The following PPM1H variants were observed in gnomAD, a reference collection of about 807,000 sequenced individuals.
PPM1H encodes protein phosphatase 1H.
PPM1H carries 27 observed loss-of-function variants against 54.9 expected under a neutral mutation model. The observed-to-expected ratio is 0.49, with a 90% CI of 0.36 to 0.68. The LOEUF (loss-of-function observed/expected upper bound fraction) is 0.68. PPM1H is among the 30% of genes least tolerant of loss of function. The probability of loss-of-function intolerance (pLI) is 0.00; values close to 1 mark genes in which losing one functional copy is unlikely to be tolerated. For synonymous variants in PPM1H, 305 were observed against 270.8 expected, an observed-to-expected ratio of 1.13 and a Z score of -1.24; for missense variants, 596 against 667.8, an observed-to-expected ratio of 0.89 and a Z score of 1.19.
Position 62,666,665 on chromosome 12 carries a change from T to C in PPM1H, c.1397+513A>G, listed in dbSNP as rs368629895. Among the ~76,000 whole-genome samples the C allele has an allele frequency of 7.8e-4, 119 of 152,298 alleles. No homozygotes were observed. The Middle Eastern group carries it at 0.02, about 26-fold the overall frequency. ...AACAAACACTCAAATTCTTTACCACTTGTATCTACGTTCAACTTAAGGGGG... is the reference window on the plus strand; with the variant it reads ...AACAAACACTCAAATTCTTTACCACCTGTATCTACGTTCAACTTAAGGGGG... On this transcript the variant is annotated intron_variant, in intron 9 of 9. Coordinates refer to ENST00000228705, the MANE Select transcript of PPM1H (RefSeq NM_020700.2).
At chr12:62,707,810 C>G (rs535115230) in intron 6 of PPM1H, among the ~76,000 whole-genome samples, 2 of 152,272 alleles carry the variant, frequency 1.3e-5, no homozygotes, top group East Asian at 3.9e-4. Flanking sequence ...AACCTAATAC[C>G]TGGTTCACTT....
At chr12:62,711,766 T>C (rs916947526) in intron 6 of PPM1H, among the ~76,000 whole-genome samples, 2 of 152,144 alleles carry the variant, frequency 1.3e-5, no homozygotes, top group Admixed American at 1.3e-4. Context: ...GAGAGACGTG[T>C]GTGAGTGCAT....
chr12:62,648,259 C>T lies in PPM1H; in HGVS notation c.*230G>A, dbSNP rs2075797519. ...TATGAAAGGAACTGAAATACAACAA[C>T]ACTTGGTAGCAGCCTTTGTGTTTTG... On this transcript the variant is annotated 3_prime_UTR_variant, in exon 10 of 10. Transcript: ENST00000228705. The T allele has an allele frequency of 4.0e-6, 2 of 504,800 alleles. No individual in the cohort carries two copies. Among genetic ancestry groups the T allele is most frequent in the African/African-American group, 1.9e-5 (1 of 52,344 alleles). 31.3% of individuals were successfully genotyped at this position (504,800 alleles called of 1,614,324 possible). A position where few individuals can be genotyped will look rare whatever the true frequency, so the allele number is the denominator to read the frequency against.
At chr12:62,796,883 T>C (rs1234430625) in intron 3 of PPM1H, among the ~76,000 whole-genome samples, 1 of 152,234 alleles carries the variant, frequency 6.6e-6, no homozygotes, top group Non-Finnish European at 1.5e-5. Context: ...TGTGTGATTC[T>C]ACTTAGTTGC....
rs921347563 is a variant in PPM1H at position 62,712,906 on chromosome 12, T to C, written c.1073+7265A>G. 2.0e-5 allele frequency among the ~76,000 whole-genome samples: 3 copies of C among 152,228 alleles called. No individual in the cohort carries two copies. In the East Asian group the frequency reaches 5.8e-4, roughly 29 times the overall value. On this transcript the variant is annotated intron_variant, in intron 6 of 9. Transcript: ENST00000228705. ...AACAGGGCTTCTGTGCTTGATTCAA[T>C]AAATCAATTTATATTAAATGCGGGC...
At chr12:62,778,022 T>C (rs910318537) in intron 4 of PPM1H, among the ~76,000 whole-genome samples, 1 of 152,220 alleles carries the variant, frequency 6.6e-6, no homozygotes, top group African/African-American at 2.4e-5. Flanking sequence ...TAATCCTAGC[T>C]ACTCAGAAAC....
At chr12:62,673,581 T>C (rs868168776) in intron 8 of PPM1H, among the ~76,000 whole-genome samples, 1 of 152,144 alleles carries the variant, frequency 6.6e-6, no homozygotes, top group South Asian at 2.1e-4. Flanking sequence ...CCCTTTTAAG[T>C]ACTCAATGTA....
At chr12:62,884,215 C>T (rs751684286) in intron 1 of PPM1H, among the ~76,000 whole-genome samples, 5 of 151,970 alleles carry the variant, frequency 3.3e-5, no homozygotes, top group African/African-American at 4.8e-5. Flanking sequence ...AGACTGGGCA[C>T]GGTGACTCAA....
chr12:62,767,344 G>A (rs983069190), intron 4 of PPM1H, among the ~76,000 whole-genome samples: 11 of 152,124 alleles, frequency 7.2e-5, no homozygotes, highest in African/African-American at 2.7e-4. Context: ...GAGGGAGGGG[G>A]AAGGGAAATC....
chr12:62,880,782 C>T (rs1870364174), intron 1 of PPM1H, among the ~76,000 whole-genome samples: 1 of 152,162 alleles, frequency 6.6e-6, no homozygotes, highest in South Asian at 2.1e-4. Context: ...CTTCCTCAAC[C>T]CCTTATGTGT....
chr12:62,713,810 T>C (rs970811873), intron 6 of PPM1H, among the ~76,000 whole-genome samples: 3 of 151,748 alleles, frequency 2.0e-5, no homozygotes, highest in Admixed American at 6.6e-5. Context: ...CTCTACAAAA[T>C]ACACAAAAAT....
intron 4 of PPM1H, among the ~76,000 whole-genome samples, chr12:62,781,167 G>A (rs1318077050): frequency 6.6e-6 from 1 of 152,206 alleles, no homozygotes; most frequent in African/African-American, 2.4e-5. Context: ...CAGCTACTCA[G>A]GCCTCAGAAC....
intron 3 of PPM1H, among the ~76,000 whole-genome samples, chr12:62,797,067 CATA>C (rs1229266931): frequency 6.6e-6 from 1 of 152,110 alleles, no homozygotes; most frequent in Non-Finnish European, 1.5e-5. Flanking sequence ...GACAGAATAT[CATA>C]ATATCACAGC....
intron 9 of PPM1H, among the ~76,000 whole-genome samples, chr12:62,661,824 T>G (rs1249685018): frequency 6.6e-6 from 1 of 152,210 alleles, no homozygotes; most frequent in Non-Finnish European, 1.5e-5. Flanking sequence ...GTCGCTCAGA[T>G]TATAGGCACA....
chr12:62,802,081 C>T lies in PPM1H; in HGVS notation c.491G>A (p.Arg164His), dbSNP rs774874887. 18 of 1,611,772 alleles carry T rather than the reference C, an allele frequency of 1.1e-5. No homozygotes were observed. Among genetic ancestry groups the T allele is most frequent in the Non-Finnish European group, 1.4e-5 (17 of 1,178,988 alleles). ...CTCCGTGATGTGGTGCTGCAGCAGG[C>T]GTGACGCCACCACCGCGGCCCCGGA... ...AGSGAAVVAS[R>H]LLQHHITEQL... is the part of the protein sequence containing the mutation. Residue 164 changes from arginine (R) to histidine (H), a missense_variant, in exon 3 of 10, where the codon CGC (arginine) becomes CAC (histidine). Physicochemically the swap from Arg to His is conservative, Grantham distance 29. Coordinates refer to ENST00000228705, the MANE Select transcript of PPM1H (RefSeq NM_020700.2).
At chr12:62,891,658 A>G (rs1236642494) in intron 1 of PPM1H, among the ~76,000 whole-genome samples, 5 of 152,152 alleles carry the variant, frequency 3.3e-5, no homozygotes, top group East Asian at 1.9e-4. Flanking sequence ...GTTCTTACCT[A>G]GTATCACGAC....
chr12:62,725,162 C>A (rs2076283339), intron 5 of PPM1H, among the ~76,000 whole-genome samples: 1 of 152,232 alleles, frequency 6.6e-6, no homozygotes, highest in African/African-American at 2.4e-5. Flanking sequence ...AACTCCTCCG[C>A]ACAATTAGTT....
intron 4 of PPM1H, among the ~76,000 whole-genome samples, chr12:62,740,282 C>T (rs2076374048): frequency 6.6e-6 from 1 of 152,170 alleles, no homozygotes; most frequent in Non-Finnish European, 1.5e-5. Context: ...CCTGAGTCAA[C>T]AAATGGCCCT....
chr12:62,732,791 G>A (rs2076330065), intron 5 of PPM1H, among the ~76,000 whole-genome samples: 1 of 151,932 alleles, frequency 6.6e-6, no homozygotes, highest in Non-Finnish European at 1.5e-5. Context: ...CCAGGATGGG[G>A]ACCCAGAAGT....
Sources: allele counts gnomAD v4.1 joint callset (sites outside exome capture counted in the v4.1 genomes callset), GRCh38; gene constraint gnomAD v4.1.1; transcripts MANE v1.5; gene names NCBI Gene and HGNC (gene_info 2026-07-23, HGNC 2026-07-21).